Variants in DMXL2 observed in about 807,000 individuals in gnomAD.
The protein encoded by DMXL2 is dmX-like protein 2.
DMXL2 carries 103 observed loss-of-function variants against 331.1 expected under a neutral mutation model. The observed-to-expected ratio is 0.31, with a 90% confidence interval of 0.27 to 0.37. The LOEUF (loss-of-function observed/expected upper bound fraction) is 0.37, where lower values mean the gene tolerates loss of function less well. DMXL2 is among the 10% of genes least tolerant of loss of function. DMXL2 has a pLI of 1.00. For missense variants in DMXL2, 3,171 were observed against 3,642.9 expected, an observed-to-expected ratio of 0.87 and a Z score of 3.33; for synonymous variants, 1,281 against 1,252.1, an observed-to-expected ratio of 1.02 and a Z score of -0.49.
At chr15:51,535,941 C>G (rs1410111320) in intron 12 of DMXL2, among the ~76,000 whole-genome samples, 157 bp from the exon 13 acceptor site, 3 of 151,864 alleles carry the variant, frequency 2.0e-5, no homozygotes, top group African/African-American at 7.3e-5. Context: ...AAATTATTAA[C>G]AAAAAGTTTA....
At chr15:51,518,931 G>A (rs953913941) in intron 13 of DMXL2, among the ~76,000 whole-genome samples, 5 of 152,036 alleles carry the variant, frequency 3.3e-5, no homozygotes, top group African/African-American at 9.7e-5. Context: ...TAAAGCATTC[G>A]CCCAGGGTGC....
At chr15:51,542,615 C>A in intron 8 of DMXL2, 108 bp from the exon 9 acceptor site, 1 of 790,752 alleles carries the variant, frequency 1.3e-6, no homozygotes, top group Non-Finnish European at 1.9e-6. Flanking sequence ...CCATAAAAAC[C>A]TGATCATTTT....
At chr15:51,463,549 T>C in intron 32 of DMXL2, 53 bp from the exon 33 acceptor site, 1 of 1,030,058 alleles carries the variant, frequency 9.7e-7, no homozygotes, top group Non-Finnish European at 1.4e-6. Flanking sequence ...AAAATATGTT[T>C]ATATTTGCAG....
At chr15:51,546,080 C>T (rs1453543218) in intron 7 of DMXL2, among the ~76,000 whole-genome samples, 3 of 152,020 alleles carry the variant, frequency 2.0e-5, no homozygotes, top group African/African-American at 7.3e-5. Context: ...AGAGAATGAC[C>T]ATAATAAAAG....
intron 1 of DMXL2, among the ~76,000 whole-genome samples, chr15:51,582,358 G>A (rs1194167774): frequency 6.6e-6 from 1 of 151,950 alleles, no homozygotes; most frequent in African/African-American, 2.4e-5. Context: ...TTCGTTTTCT[G>A]TTGCTCAAAT....
At chr15:51,517,007 T>C (rs1351377363) in intron 14 of DMXL2, 71 bp downstream of exon 14, 2 of 1,147,000 alleles carry the variant, frequency 1.7e-6, no homozygotes, top group Non-Finnish European at 2.6e-6. Context: ...GAGAATGACA[T>C]ATATCATATA....
At chr15:51,501,897 G>A (rs2043643204) in intron 17 of DMXL2, among the ~76,000 whole-genome samples, 1 of 143,720 alleles carries the variant, frequency 7.0e-6, no homozygotes, top group African/African-American at 2.6e-5. Flanking sequence ...TCCAGCCTGG[G>A]TGACAGAGCG....
At chr15:51,465,145 C>T (rs1179563683) in intron 31 of DMXL2, among the ~76,000 whole-genome samples, 1 of 152,184 alleles carries the variant, frequency 6.6e-6, no homozygotes, top group Non-Finnish European at 1.5e-5. Flanking sequence ...CTTGTAATCT[C>T]AGCACTTTAG....
chr15:51,484,879 A>G (rs1297202845), intron 23 of DMXL2, among the ~76,000 whole-genome samples: 4 of 152,138 alleles, frequency 2.6e-5, no homozygotes, highest in Non-Finnish European at 5.9e-5. Context: ...AAGGAGATAG[A>G]TATCATACAA....
chr15:51,504,745 G>T (rs1037916099), intron 16 of DMXL2, among the ~76,000 whole-genome samples: 1 of 152,174 alleles, frequency 6.6e-6, no homozygotes, highest in East Asian at 1.9e-4. Context: ...GTAGTCAGAA[G>T]ACAGAGTCCC....
intron 1 of DMXL2, among the ~76,000 whole-genome samples, chr15:51,619,439 C>G (rs144499870): frequency 6.6e-6 from 1 of 152,312 alleles, no homozygotes; most frequent in Non-Finnish European, 1.5e-5. Flanking sequence ...AGCATCATAG[C>G]TTACGTGATA....
chr15:51,492,190 G>C (rs2042851645), intron 19 of DMXL2, among the ~76,000 whole-genome samples: 1 of 152,192 alleles, frequency 6.6e-6, no homozygotes, highest in Non-Finnish European at 1.5e-5. Context: ...GAGGACACAA[G>C]GTGTGTTATC....
intron 13 of DMXL2, among the ~76,000 whole-genome samples, chr15:51,526,574 C>G (rs1417661643): frequency 2.0e-5 from 3 of 152,136 alleles, no homozygotes; most frequent in Admixed American, 2.0e-4. Context: ...AGAGACCAAT[C>G]CTGGAGAAAC....
chr15:51,476,945 T>A (rs893673486), intron 26 of DMXL2, among the ~76,000 whole-genome samples: 1 of 152,152 alleles, frequency 6.6e-6, no homozygotes, highest in Non-Finnish European at 1.5e-5. Context: ...AGATGACACT[T>A]ATTCCTTTAG....
chr15:51,452,486 G>GA (rs1421964359), intron 41 of DMXL2, among the ~76,000 whole-genome samples: 2 of 151,844 alleles, frequency 1.3e-5, no homozygotes, highest in Admixed American at 1.3e-4. Context: ...CAACAAACAG[G>GA]AAAAAATGCT....
At position 51,450,138 on chromosome 15, in the gene DMXL2, A is replaced by ACCTTCTGCTGAAC; in HGVS notation, c.8945_8957dup (p.Asn2987PhefsTer5). On this transcript the variant is annotated frameshift_variant, in exon 43 of 44. Transcript: ENST00000560891. LOFTEE classifies it high-confidence loss of function. ...TCTTGTACTGACTCACCTTTATGTT[A>ACCTTCTGCTGAAC]CCTTCTGCTGAACCTGTGGTAAAAT... 1 of 1,613,910 alleles carries ACCTTCTGCTGAAC rather than the reference A, an allele frequency of 6.2e-7. No individual in the cohort carries two copies. Among genetic ancestry groups the ACCTTCTGCTGAAC allele is most frequent in the African/African-American group, 1.3e-5 (1 of 75,018 alleles).
chr15:51,566,235 GTGTGT>G (rs1567126699), intron 3 of DMXL2, among the ~76,000 whole-genome samples: 210 of 1,618 alleles, frequency 0.13, 3 homozygotes, highest in African/African-American at 0.18. Context: ...TGTGTGGGGT[GTGTGT>G]GTGTGTGTGT....
At chr15:51,515,397 A>G (rs1596081588) in intron 14 of DMXL2, among the ~76,000 whole-genome samples, 1 of 152,112 alleles carries the variant, frequency 6.6e-6, no homozygotes, top group South Asian at 2.1e-4. Context: ...ATAAAGGAAA[A>G]CCTGCCTCTT....
chr15:51,516,434 AC>A (rs1315742223), intron 14 of DMXL2, among the ~76,000 whole-genome samples: 23 of 152,246 alleles, frequency 1.5e-4, no homozygotes, highest in Non-Finnish European at 2.9e-5. Context: ...ATGGGGCCTA[AC>A]AAGGCAAACA....
Sources: gnomAD v4.1 joint callset for allele counts (sites outside exome capture counted in the v4.1 genomes callset) on GRCh38, gnomAD v4.1.1 for gene constraint, MANE v1.5 for transcripts, NCBI Gene and HGNC (gene_info 2026-07-23, HGNC 2026-07-21) for gene names.